Variants in SLC6A6 observed in about 807,000 individuals in gnomAD.
The protein encoded by SLC6A6 is sodium- and chloride-dependent taurine transporter.
SLC6A6 carries 16 observed loss-of-function variants against 68.8 expected under a neutral mutation model. The observed-to-expected ratio is 0.23, with a 90% CI of 0.16 to 0.35. The LOEUF (loss-of-function observed/expected upper bound fraction) is 0.35, where lower values mean the gene tolerates loss of function less well. Among genes scored for constraint, SLC6A6 ranks in the 10% least tolerant of loss-of-function variants. The probability of loss-of-function intolerance (pLI) is 1.00; values close to 1 mark genes in which losing one functional copy is unlikely to be tolerated. For synonymous variants in SLC6A6, 312 were observed against 315.4 expected (o/e 0.99, Z 0.12); for missense variants, 474 against 802.8 (o/e 0.59, Z 4.95).
intron 5 of SLC6A6, among the ~76,000 whole-genome samples, chr3:14,452,877 A>G (rs1416877427): frequency 2.0e-5 from 3 of 152,226 alleles, no homozygotes; most frequent in Non-Finnish European, 4.4e-5. Flanking sequence ...AGGCGGGGCC[A>G]GACCTGGCCA....
At chr3:14,445,567 A>G (rs1270875519) in intron 3 of SLC6A6, 150 bp from the exon 4 acceptor site, 2 of 845,840 alleles carry the variant, frequency 2.4e-6, no homozygotes, top group African/African-American at 1.7e-5. Flanking sequence ...CAGGGCCTGG[A>G]GCATTTCCCA....
rs752517387 is a variant in SLC6A6, at chr3:14,484,917, G to A, written c.1773G>A (p.Glu591=). 3 of 1,612,372 alleles carry A rather than the reference G, an allele frequency of 1.9e-6. No individual in the cohort carries two copies. The South Asian group carries it at 3.3e-5, about 18-fold the overall frequency. Residue 591 remains glutamate, a synonymous_variant, in exon 15 of 15, where the codon GAG becomes GAA. Coordinates refer to ENST00000622186, the MANE Select transcript of SLC6A6 (RefSeq NM_003043.6). ...TPREPNRWAV[E]REGATPYNSR... ...GGGAACCCAACCGCTGGGCTGTGGA[G>A]CGCGAGGGAGCCACACCTTACAACT...
intron 10 of SLC6A6, among the ~76,000 whole-genome samples, chr3:14,474,483 C>G (rs751926963): frequency 6.6e-6 from 1 of 152,324 alleles, no homozygotes; most frequent in Non-Finnish European, 1.5e-5. Context: ...ACTTTTTCCT[C>G]TTCCCAAATG....
chr3:14,444,885 A>G (rs1002408095), intron 3 of SLC6A6: 10 of 454,034 alleles, frequency 2.2e-5, no homozygotes, highest in Admixed American at 1.2e-4. Context: ...CCCTGCCCCA[A>G]TGCTTTGCCC....
chr3:14,438,509 G>A (rs1171601987), intron 2 of SLC6A6, among the ~76,000 whole-genome samples: 1 of 152,184 alleles, frequency 6.6e-6, no homozygotes, highest in Non-Finnish European at 1.5e-5. Flanking sequence ...TGATTCCACA[G>A]CAAGCCTAGT....
intron 9 of SLC6A6, among the ~76,000 whole-genome samples, chr3:14,469,467 G>A (rs1198034036): frequency 6.6e-6 from 1 of 152,150 alleles, no homozygotes; most frequent in East Asian, 1.9e-4. Flanking sequence ...CCCTAGCACT[G>A]GGGGGTCAGA....
chr3:14,419,817 C>A (rs930634104), intron 2 of SLC6A6, among the ~76,000 whole-genome samples: 7 of 152,100 alleles, frequency 4.6e-5, no homozygotes, highest in African/African-American at 1.4e-4. Flanking sequence ...ACTCCCCACC[C>A]CCTCAGCTAT....
At chr3:14,454,468 T>G (rs950108393) in intron 5 of SLC6A6, among the ~76,000 whole-genome samples, 3 of 152,174 alleles carry the variant, frequency 2.0e-5, no homozygotes, top group Admixed American at 6.5e-5. Context: ...GCTTTCTGGC[T>G]GGGAAGACCC....
intron 2 of SLC6A6, among the ~76,000 whole-genome samples, chr3:14,442,123 C>T (rs539448585): frequency 2.4e-4 from 37 of 152,312 alleles, no homozygotes; most frequent in Non-Finnish European, 3.8e-4. Flanking sequence ...ACAAGGGTCA[C>T]GTGACAAGGT....
At chr3:14,483,828 C>T (rs1397395950) in intron 14 of SLC6A6, among the ~76,000 whole-genome samples, 4 of 152,220 alleles carry the variant, frequency 2.6e-5, no homozygotes, top group South Asian at 2.1e-4. Context: ...ACTACAGGCA[C>T]GTACCACCAT....
intron 1 of SLC6A6, among the ~76,000 whole-genome samples, chr3:14,414,174 A>G (rs1218072988): frequency 1.3e-5 from 2 of 152,040 alleles, no homozygotes; most frequent in African/African-American, 4.8e-5. Flanking sequence ...TTCATTCTCC[A>G]TGGATGCCCT....
Position 14,481,689 on chromosome 3 carries a change from C to T in SLC6A6, c.1570C>T (p.Leu524Phe). 3 of 1,612,718 alleles carry T rather than the reference C, an allele frequency of 1.9e-6. No homozygotes were observed. Among genetic ancestry groups the T allele is most frequent in the South Asian group, 1.1e-5 (1 of 90,938 alleles). The change falls in exon 14 of 15, where the codon CTC (leucine) becomes TTC (phenylalanine). Residue 524 changes from leucine to phenylalanine, a missense_variant. Coordinates refer to ENST00000622186, the MANE Select transcript of SLC6A6 (RefSeq NM_003043.6). This position sits in a 1 kb window ranked among gnomAD's most constrained non-coding sequence, Gnocchi z 4.7. ...TCCGCAGGGATGTTTCATCTTCTCG[C>T]TCGTCAAGTACGTACCCCTGACCTA... ...VLCVGCFIFSLVKYVPLTYNK... is the reference protein window; with the variant it reads ...VLCVGCFIFSFVKYVPLTYNK...
intron 5 of SLC6A6, among the ~76,000 whole-genome samples, chr3:14,456,612 G>A (rs900343510): frequency 1.3e-5 from 2 of 152,216 alleles, no homozygotes; most frequent in African/African-American, 2.4e-5. Context: ...TGTGTGTTCC[G>A]AGAACCAGAG....
At chr3:14,471,954 G>T (rs982581864) in intron 9 of SLC6A6, among the ~76,000 whole-genome samples, 1 of 152,088 alleles carries the variant, frequency 6.6e-6, no homozygotes, top group Non-Finnish European at 1.5e-5. Context: ...ACCACGCCCC[G>T]ATGGATGCTG....
intron 3 of SLC6A6, among the ~76,000 whole-genome samples, chr3:14,445,278 G>A (rs1333538928): frequency 4.6e-5 from 7 of 151,848 alleles, no homozygotes; most frequent in South Asian, 2.1e-4. Context: ...AAAATTAGCC[G>A]GGCGTGGTGG....
chr3:14,405,119 C>G (rs951188583), intron 1 of SLC6A6, among the ~76,000 whole-genome samples: 2 of 152,276 alleles, frequency 1.3e-5, no homozygotes, highest in South Asian at 2.1e-4. Context: ...CTGATATCCT[C>G]GGGAGTTGAA....
At position 14,484,918 on chromosome 3, in the gene SLC6A6, C is replaced by T. The variant is rs370695700; in HGVS notation, c.1774C>T (p.Arg592Cys). ...PREPNRWAVE[R>C]EGATPYNSRT... is the part of the protein sequence containing the mutation. ...GGAACCCAACCGCTGGGCTGTGGAG[C>T]GCGAGGGAGCCACACCTTACAACTC... is the stretch of plus-strand genomic sequence containing the variant. Residue 592 changes from arginine to cysteine, a missense_variant, in exon 15 of 15, where the codon CGC becomes TGC. Physicochemically the swap from Arg to Cys is radical, Grantham distance 180. Around this residue, in one of 2 missense-constraint regions of SLC6A6, gnomAD observed 194 missense variants for 269.8 expected, o/e 0.72. Transcript: ENST00000622186. The T allele has an allele frequency of 2.5e-5, 40 of 1,612,294 alleles. No homozygotes were observed. Among genetic ancestry groups the T allele is most frequent in the East Asian group, 6.7e-5 (3 of 44,862 alleles).
At chr3:14,444,229 CTT>C in intron 3 of SLC6A6, 1 of 218,452 alleles carries the variant, frequency 4.6e-6, no homozygotes, top group South Asian at 8.8e-5. Flanking sequence ...GCCTCTGACT[CTT>C]TATCTTTCCT....
chr3:14,424,828 A>C (rs990214822), intron 2 of SLC6A6, among the ~76,000 whole-genome samples: 1 of 152,098 alleles, frequency 6.6e-6, no homozygotes, highest in Admixed American at 6.5e-5. Flanking sequence ...TTGCTGACTC[A>C]CGTGGTTTTG....
Sources: gnomAD v4.1 joint callset for allele counts (sites outside exome capture counted in the v4.1 genomes callset) on GRCh38, gnomAD v4.1.1 for gene constraint, gnomAD v4.1.1 regional missense constraint, Gnocchi (gnomAD v3.1) non-coding constraint, MANE v1.5 for transcripts, NCBI Gene and HGNC (gene_info 2026-07-23, HGNC 2026-07-21) for gene names.